KANSL2: variants seen among roughly 807,000 people sequenced by gnomAD.
KANSL2 encodes NSL complex protein NSL2.
KANSL2 carries 34 observed loss-of-function variants against 55.6 expected under a neutral mutation model. The ratio of observed to expected loss-of-function variants is 0.61; its 90% confidence interval spans 0.46 to 0.81. The LOEUF (loss-of-function observed/expected upper bound fraction) is 0.81, where lower values mean the gene tolerates loss of function less well. Among genes scored for constraint, KANSL2 ranks in the 40% least tolerant of loss-of-function variants. The pLI is 0.00. For synonymous variants in KANSL2, 209 were observed against 214.3 expected (o/e 0.98, Z 0.22); for missense variants, 502 against 609.9 (o/e 0.82, Z 1.86).
intron 8 of KANSL2, among the ~76,000 whole-genome samples, chr12:48,657,604 T>TTGTG (rs66499642): frequency 2.7e-5 from 4 of 149,602 alleles, no homozygotes; most frequent in African/African-American, 7.5e-5. Flanking sequence ...TATGTGCAAT[T>TTGTG]TGTGTGTGTG....
chr12:48,673,468 G>A (rs528423921), intron 4 of KANSL2, among the ~76,000 whole-genome samples: 1 of 151,798 alleles, frequency 6.6e-6, no homozygotes, highest in Non-Finnish European at 1.5e-5. Flanking sequence ...GCTGGGGCAG[G>A]AGAATTGCTT....
intron 8 of KANSL2, among the ~76,000 whole-genome samples, chr12:48,658,188 G>A (rs1238165678): frequency 6.6e-6 from 1 of 152,042 alleles, no homozygotes; most frequent in Non-Finnish European, 1.5e-5. Context: ...CCGAGATCAC[G>A]CCAATGCACT....
intron 9 of KANSL2, among the ~76,000 whole-genome samples, chr12:48,654,683 A>G (rs1308263180): frequency 6.6e-6 from 1 of 152,206 alleles, no homozygotes; most frequent in Admixed American, 6.5e-5. Flanking sequence ...CTACTCTGGG[A>G]TATGAGGATC....
intron 5 of KANSL2, among the ~76,000 whole-genome samples, chr12:48,669,754 C>T (rs1939674284): frequency 6.6e-6 from 1 of 152,024 alleles, no homozygotes; most frequent in Admixed American, 6.6e-5. Context: ...CATGATCCGC[C>T]TGCCTTGGCC....
intron 2 of KANSL2, among the ~76,000 whole-genome samples, chr12:48,680,874 A>G (rs1939909982): frequency 6.6e-6 from 1 of 152,108 alleles, no homozygotes; most frequent in Non-Finnish European, 1.5e-5. Context: ...ACTACTTAGG[A>G]GGCAGGAGAA....
At chr12:48,662,412 T>A in intron 7 of KANSL2, 1 of 922,590 alleles carries the variant, frequency 1.1e-6, no homozygotes, top group Non-Finnish European at 1.3e-6. Context: ...GCCAAGAACT[T>A]TTTTTTATTG....
At chr12:48,667,432 T>G (rs936978574) in intron 7 of KANSL2, 1 of 541,030 alleles carries the variant, frequency 1.8e-6, no homozygotes, top group South Asian at 1.6e-5. Flanking sequence ...TAAATAAATA[T>G]TAGCCCACAT....
At chr12:48,664,510 CCTCGTGAT>C (rs1170798085) in intron 7 of KANSL2, among the ~76,000 whole-genome samples, 1 of 151,208 alleles carries the variant, frequency 6.6e-6, no homozygotes, top group African/African-American at 2.4e-5. Flanking sequence ...GACCTCCTGA[CCTCGTGAT>C]CTGCCCGCCT....
intron 4 of KANSL2, among the ~76,000 whole-genome samples, chr12:48,676,237 A>AGACTACAG (rs1384717546): frequency 2.6e-5 from 4 of 152,154 alleles, no homozygotes; most frequent in African/African-American, 9.7e-5. Flanking sequence ...CGAGTAGTTA[A>AGACTACAG]GACTACAGAC....
chr12:48,671,098 C>T (rs1455504500), intron 5 of KANSL2, among the ~76,000 whole-genome samples: 1 of 152,004 alleles, frequency 6.6e-6, no homozygotes, highest in Non-Finnish European at 1.5e-5. Context: ...AACCCCCCCT[C>T]TACTAAAAAT....
intron 2 of KANSL2, among the ~76,000 whole-genome samples, chr12:48,680,662 G>A (rs925092285): frequency 2.6e-5 from 4 of 151,984 alleles, no homozygotes; most frequent in Non-Finnish European, 4.4e-5. Flanking sequence ...GCCAAATAGA[G>A]CCACACACCC....
intron 5 of KANSL2, among the ~76,000 whole-genome samples, chr12:48,670,257 TAAAC>T (rs1404536237): frequency 6.0e-5 from 9 of 150,372 alleles, no homozygotes; most frequent in Non-Finnish European, 1.2e-4. Flanking sequence ...TACTCGATAA[TAAAC>T]AACTATGTTA....
Position 48,669,292 on chromosome 12 carries a change from G to C in KANSL2, c.710-20C>G, listed in dbSNP as rs1307605361. On this transcript the variant is annotated intron_variant, in intron 5 of 9. Coordinates refer to ENST00000420613, the MANE Select transcript of KANSL2 (RefSeq NM_017822.4). ...TACTGCCTAGAGTTACAAGAGTCAA[G>C]ATGTTATTTGCCAAGCAATCCATCA... is the stretch of plus-strand genomic sequence containing the variant. 6 of 1,511,278 alleles carry C rather than the reference G, an allele frequency of 4.0e-6. No homozygotes were observed. The African/African-American group carries it at 4.2e-5, about 11-fold the overall frequency. The allele number at this position is 1,511,278 out of a possible 1,614,324, so 93.6% of individuals were successfully genotyped here.
chr12:48,680,719 G>A lies in KANSL2; in HGVS notation c.251+663C>T, dbSNP rs184952824. ...GGGCCAGGTGCGGTGGCTCACTCCT[G>A]TAATCCCAACACTCTGGGAGGCCGA... On this transcript the variant is annotated intron_variant, in intron 2 of 9. Transcript: ENST00000420613. 3.7e-3 allele frequency among the ~76,000 whole-genome samples: 556 copies of A among 152,202 alleles called. 3 individuals are homozygous for A. Among genetic ancestry groups the A allele is most frequent in the Middle Eastern group, 0.017 (5 of 294 alleles).
At chr12:48,675,545 T>C (rs918504535) in intron 4 of KANSL2, among the ~76,000 whole-genome samples, 1 of 152,234 alleles carries the variant, frequency 6.6e-6, no homozygotes, top group Non-Finnish European at 1.5e-5. Flanking sequence ...AATTCACTTT[T>C]TGAATACTGA....
chr12:48,681,522 G>A lies in KANSL2; in HGVS notation c.111C>T (p.His37=). ...AAAACTCCTGCCCCTCCAGACGAGG[G>A]TGAGAGCATGGACGATGAGTGAATG... The part of the protein sequence containing the change: ...SCAFTHRPCS[H]PRLEGQEFCI... The change falls in exon 2 of 10, where the codon CAC becomes CAT. Residue 37 remains histidine, a synonymous_variant. Coordinates refer to ENST00000420613, the MANE Select transcript of KANSL2 (RefSeq NM_017822.4). 1.9e-6 allele frequency: 3 copies of A among 1,613,992 alleles called. No homozygotes were observed. The highest frequency in any genetic ancestry group is 2.5e-6 in the Non-Finnish European group (3 of 1,179,898).
chr12:48,677,897 T>C (rs1466947983), intron 4 of KANSL2, among the ~76,000 whole-genome samples: 2 of 152,064 alleles, frequency 1.3e-5, no homozygotes, highest in African/African-American at 4.8e-5. Flanking sequence ...TAGATGGGTT[T>C]TCTAAACTAG....
intron 4 of KANSL2, among the ~76,000 whole-genome samples, chr12:48,678,549 T>C (rs1251919513): frequency 6.6e-6 from 1 of 152,204 alleles, no homozygotes; most frequent in Non-Finnish European, 1.5e-5. Context: ...GGTTTACAAG[T>C]ATCCAAACAT....
chr12:48,660,522 AT>A lies in KANSL2; in HGVS notation c.1070del (p.Asp357ValfsTer36). 1 of 1,613,666 alleles carries A rather than the reference AT, an allele frequency of 6.2e-7. No homozygotes were observed. The highest frequency in any genetic ancestry group is 8.5e-7 in the Non-Finnish European group (1 of 1,179,746). ...NKPVPVSLSE[D>X]PCCPLHFQLP... is the part of the protein sequence containing the mutation. ...ACTGGAAATGCAGTGGGCAGCAGGG[AT>A]CCTCAGAGAGGCTTACAGGAACAGG... On this transcript the variant is annotated frameshift_variant, in exon 8 of 10. Transcript: ENST00000420613. LOFTEE classifies it high-confidence loss of function.
Sources: allele counts gnomAD v4.1 joint callset (sites outside exome capture counted in the v4.1 genomes callset), GRCh38; gene constraint gnomAD v4.1.1; transcripts MANE v1.5; gene names NCBI Gene and HGNC (gene_info 2026-07-23, HGNC 2026-07-21).